Variants in NRG3 observed in about 807,000 individuals in gnomAD.
NRG3 encodes the protein pro-neuregulin-3, membrane-bound isoform.
NRG3 carries 31 observed loss-of-function variants against 66.9 expected under a neutral mutation model. That is an observed-to-expected ratio of 0.46 (90% CI 0.35 to 0.63). The LOEUF is 0.63. Ranked by LOEUF, NRG3 falls within the 20% of genes least tolerant of loss-of-function variation. The probability of loss-of-function intolerance (pLI) is 0.00; values close to 1 mark genes in which losing one functional copy is unlikely to be tolerated. For missense variants in NRG3, 910 were observed against 878.9 expected, an observed-to-expected ratio of 1.04 and a Z score of -0.45; for synonymous variants, 393 against 359.4, an observed-to-expected ratio of 1.09 and a Z score of -1.06.
At chr10:82,462,998 A>C (rs1240230645) in intron 2 of NRG3, among the ~76,000 whole-genome samples, 1 of 152,152 alleles carries the variant, frequency 6.6e-6, no homozygotes, top group Non-Finnish European at 1.5e-5. Context: ...TAATCTCTTC[A>C]TTATCTGTCC....
intron 1 of NRG3, among the ~76,000 whole-genome samples, chr10:82,076,418 C>T (rs1408181055): frequency 6.6e-6 from 1 of 152,180 alleles, no homozygotes; most frequent in African/African-American, 2.4e-5. Flanking sequence ...TGGATGATTA[C>T]TTTGTGGAGC....
intron 1 of NRG3, among the ~76,000 whole-genome samples, chr10:81,970,428 T>C (rs1303576451): frequency 6.6e-6 from 1 of 152,194 alleles, no homozygotes; most frequent in Admixed American, 6.5e-5. Flanking sequence ...AAAGATTCTT[T>C]TTCTTAACTT....
intron 1 of NRG3, among the ~76,000 whole-genome samples, chr10:82,075,504 G>A (rs2065041236): frequency 6.6e-6 from 1 of 152,150 alleles, no homozygotes; most frequent in African/African-American, 2.4e-5. Flanking sequence ...CTCATGGTCA[G>A]CCCTTTCTCC....
At chr10:82,182,913 AT>A (rs2073535128) in intron 1 of NRG3, among the ~76,000 whole-genome samples, 1 of 151,894 alleles carries the variant, frequency 6.6e-6, no homozygotes, top group Non-Finnish European at 1.5e-5. Context: ...CTTGTTTGGC[AT>A]TTTTTAAGCT....
chr10:82,396,558 A>G (rs956562002), intron 2 of NRG3, among the ~76,000 whole-genome samples: 2 of 152,160 alleles, frequency 1.3e-5, no homozygotes, highest in Admixed American at 6.5e-5. Context: ...AAATATATGC[A>G]CAGCAACCAA....
chr10:82,815,702 G>A (rs1212181790), intron 3 of NRG3, among the ~76,000 whole-genome samples: 3 of 152,018 alleles, frequency 2.0e-5, no homozygotes, highest in Admixed American at 6.6e-5. Flanking sequence ...CTCTGTGTCC[G>A]GTTGTGCCTT....
At chr10:82,610,007 C>G (rs898452748) in intron 2 of NRG3, among the ~76,000 whole-genome samples, 1 of 152,168 alleles carries the variant, frequency 6.6e-6, no homozygotes, top group South Asian at 2.1e-4. Flanking sequence ...GGAAAAGCTG[C>G]TCCCAGGCTC....
At chr10:82,803,702 T>G (rs990881532) in intron 3 of NRG3, among the ~76,000 whole-genome samples, 2 of 151,834 alleles carry the variant, frequency 1.3e-5, no homozygotes, top group African/African-American at 2.4e-5. Flanking sequence ...AAGTCAGACA[T>G]GCCCATGATG....
chr10:81,999,349 A>G, intron 1 of NRG3, among the ~76,000 whole-genome samples: 1 of 152,232 alleles, frequency 6.6e-6, no homozygotes, highest in East Asian at 1.9e-4. Flanking sequence ...AAAATCATTG[A>G]AAGAAGTACG....
chr10:82,043,047 T>C (rs1198772545), intron 1 of NRG3, among the ~76,000 whole-genome samples: 1 of 151,994 alleles, frequency 6.6e-6, no homozygotes, highest in African/African-American at 2.4e-5. Context: ...TCATTTAAAA[T>C]GTATGAGAAT....
intron 2 of NRG3, among the ~76,000 whole-genome samples, chr10:82,362,081 A>AAAAAAAAAAAAAAAAAAAAAAAAAAAG: frequency 1.7e-5 from 1 of 59,176 alleles, no homozygotes; most frequent in Non-Finnish European, 2.8e-5. Flanking sequence ...AGTACATGCA[A>AAAAAAAAAAAAAAAAAAAAAAAAAAAG]AAAAAAAAAA....
chr10:81,964,897 T>C (rs988044624), intron 1 of NRG3, among the ~76,000 whole-genome samples: 1 of 152,238 alleles, frequency 6.6e-6, no homozygotes. Context: ...CTATGTTTTG[T>C]TCATTTTATT....
chr10:82,007,237 T>C (rs1358710894), intron 1 of NRG3, among the ~76,000 whole-genome samples: 2 of 140,868 alleles, frequency 1.4e-5, no homozygotes, highest in Non-Finnish European at 3.0e-5. Flanking sequence ...TGAGACAGAG[T>C]CTTGCACTGT....
chr10:82,358,943 T>C, intron 2 of NRG3, 75 bp downstream of exon 2: 1 of 1,597,438 alleles, frequency 6.3e-7, no homozygotes, highest in Non-Finnish European at 8.6e-7. Context: ...TGGCAGCATC[T>C]GGTATGTGTC....
At chr10:82,686,089 G>A (rs2054489447) in intron 2 of NRG3, among the ~76,000 whole-genome samples, 1 of 151,830 alleles carries the variant, frequency 6.6e-6, no homozygotes, top group African/African-American at 2.4e-5. Flanking sequence ...AAAAATTATA[G>A]TATAGAAAAT....
At chr10:82,408,147 A>G (rs1003508866) in intron 2 of NRG3, among the ~76,000 whole-genome samples, 1 of 142,858 alleles carries the variant, frequency 7.0e-6, no homozygotes, top group African/African-American at 2.5e-5. Context: ...AAGAAAGAAA[A>G]GAAAAAGAAA....
rs553674587 is a variant in NRG3, at chr10:81,987,917, C to T, written c.823+111754C>T. ...TGCTATGCATATCCATATTTTCTAC[C>T]ATCCTAGCATTCTTAGATTGTCATG... On this transcript the variant is annotated intron_variant, in intron 1 of 8. Transcript: ENST00000372141. Among the ~76,000 whole-genome samples, 3 of 152,174 alleles carry T rather than the reference C, an allele frequency of 2.0e-5. No individual in the cohort carries two copies. In the East Asian group the frequency reaches 5.8e-4, roughly 29 times the overall value.
At chr10:82,350,534 A>G (rs1307529639) in intron 1 of NRG3, among the ~76,000 whole-genome samples, 1 of 152,236 alleles carries the variant, frequency 6.6e-6, no homozygotes, top group Non-Finnish European at 1.5e-5. Context: ...ACTTTCAGCC[A>G]CTTCTAACCT....
chr10:82,582,060 T>G (rs561146674), intron 2 of NRG3, among the ~76,000 whole-genome samples: 24 of 152,240 alleles, frequency 1.6e-4, no homozygotes, highest in Non-Finnish European at 3.1e-4. Context: ...TTAGGGTTCT[T>G]CTTTGCCATT....
Sources: gnomAD v4.1 joint callset for allele counts (sites outside exome capture counted in the v4.1 genomes callset) on GRCh38, gnomAD v4.1.1 for gene constraint, MANE v1.5 for transcripts, NCBI Gene and HGNC (gene_info 2026-07-23, HGNC 2026-07-21) for gene names.